The following MAP7 variants were observed in gnomAD, a reference collection of about 807,000 sequenced individuals.
MAP7 encodes the protein ensconsin.
A neutral mutation model predicts 94.8 loss-of-function variants in MAP7; 52 were observed. The ratio of observed to expected loss-of-function variants is 0.55; its 90% CI spans 0.44 to 0.69. The LOEUF (loss-of-function observed/expected upper bound fraction) is 0.69, where lower values mean the gene tolerates loss of function less well. MAP7 is among the 30% of genes least tolerant of loss of function. The pLI, the probability that MAP7 is intolerant of heterozygous loss-of-function variation, is 0.00. For synonymous variants in MAP7, 350 were observed against 357.0 expected, an observed-to-expected ratio of 0.98 and a Z score of 0.22; for missense variants, 940 against 964.6, an observed-to-expected ratio of 0.97 and a Z score of 0.34.
At chr6:136,540,645 T>C (rs951692968) in intron 1 of MAP7, among the ~76,000 whole-genome samples, 13 of 152,170 alleles carry the variant, frequency 8.5e-5, no homozygotes. Flanking sequence ...ATTACGATTT[T>C]CCATGTGGTT....
At chr6:136,448,693 G>A (rs1304324231) in intron 1 of MAP7, among the ~76,000 whole-genome samples, 2 of 151,826 alleles carry the variant, frequency 1.3e-5, no homozygotes, top group African/African-American at 4.8e-5. Context: ...GATTACAGGC[G>A]TGGCCACCGT....
intron 1 of MAP7, among the ~76,000 whole-genome samples, chr6:136,548,414 G>A (rs1456715658): frequency 1.3e-5 from 2 of 151,882 alleles, no homozygotes; most frequent in African/African-American, 4.8e-5. Flanking sequence ...GTAATCTTGG[G>A]GTAGAAAAAT....
At chr6:136,421,835 A>G (rs758860009) in intron 1 of MAP7, 36 bp from the exon 2 acceptor site, 1 of 1,507,784 alleles carries the variant, frequency 6.6e-7, no homozygotes, top group South Asian at 1.2e-5. Context: ...AGACACATTT[A>G]GTTTCTTAAA....
intron 1 of MAP7, among the ~76,000 whole-genome samples, chr6:136,547,415 G>A (rs945089761): frequency 3.9e-5 from 6 of 152,098 alleles, no homozygotes; most frequent in Non-Finnish European, 8.8e-5. Flanking sequence ...CTGTACACTC[G>A]CTTTCCACAG....
At chr6:136,354,036 A>G (rs1315918822) in intron 16 of MAP7, among the ~76,000 whole-genome samples, 1 of 150,504 alleles carries the variant, frequency 6.6e-6, no homozygotes, top group Non-Finnish European at 1.5e-5. Flanking sequence ...TTATAAATGA[A>G]CAAGGGCTAT....
chr6:136,454,707 T>C (rs1232844876), intron 1 of MAP7, among the ~76,000 whole-genome samples: 3 of 151,732 alleles, frequency 2.0e-5, no homozygotes, highest in Non-Finnish European at 4.4e-5. Context: ...GAGTTCAAGA[T>C]CAGCCTGGGC....
At position 136,384,902 on chromosome 6, in the gene MAP7, G is replaced by A. The variant is rs542668788; in HGVS notation, c.527-1121C>T. Among the ~76,000 whole-genome samples the A allele has an allele frequency of 9.2e-5, 14 of 152,252 alleles. No homozygotes were observed. The South Asian group carries it at 2.5e-3, about 27-fold the overall frequency. On this transcript the variant is annotated intron_variant, in intron 5 of 17. Transcript: ENST00000354570. ...TATAATCATGCTCATTAGGATAAAC[G>A]GTGTTCCTCAAATAACACTGCATGT...
chr6:136,540,647 C>T (rs1329119750), intron 1 of MAP7, among the ~76,000 whole-genome samples: 1 of 152,168 alleles, frequency 6.6e-6, no homozygotes, highest in Admixed American at 6.5e-5. Flanking sequence ...TACGATTTTC[C>T]ATGTGGTTTC....
chr6:136,423,007 C>T (rs1024536088), intron 1 of MAP7, among the ~76,000 whole-genome samples: 13 of 152,302 alleles, frequency 8.5e-5, no homozygotes, highest in African/African-American at 2.9e-4. Context: ...AAGTAGGTCA[C>T]ATGGGGTAAT....
chr6:136,491,547 A>G (rs1379845316), intron 1 of MAP7, among the ~76,000 whole-genome samples: 1 of 152,196 alleles, frequency 6.6e-6, no homozygotes, highest in Non-Finnish European at 1.5e-5. Context: ...GAGATGAAGA[A>G]CCACCACCCT....
At chr6:136,535,582 G>A (rs1200399496) in intron 1 of MAP7, among the ~76,000 whole-genome samples, 1 of 152,018 alleles carries the variant, frequency 6.6e-6, no homozygotes, top group Non-Finnish European at 1.5e-5. Flanking sequence ...TTTGAGGCTT[G>A]GTCCATTTTC....
At chr6:136,504,425 T>C (rs1461293029) in intron 1 of MAP7, among the ~76,000 whole-genome samples, 1 of 152,022 alleles carries the variant, frequency 6.6e-6, no homozygotes, top group Admixed American at 6.6e-5. Flanking sequence ...CTTGGCTCAC[T>C]GCAACCTCCA....
At chr6:136,507,475 CAA>C (rs10711278) in intron 1 of MAP7, among the ~76,000 whole-genome samples, 120 of 87,266 alleles carry the variant, frequency 1.4e-3, no homozygotes, top group African/African-American at 3.9e-3. Flanking sequence ...AGAAGATTCT[CAA>C]AAAAAAAAAA....
chr6:136,450,206 AT>A (rs901156046), intron 1 of MAP7, among the ~76,000 whole-genome samples: 1 of 152,144 alleles, frequency 6.6e-6, no homozygotes, highest in African/African-American at 2.4e-5. Context: ...TAAAAATACC[AT>A]TTGGCTTCTG....
intron 1 of MAP7, among the ~76,000 whole-genome samples, chr6:136,476,925 T>C (rs1423308059): frequency 6.6e-6 from 1 of 152,194 alleles, no homozygotes; most frequent in Non-Finnish European, 1.5e-5. Flanking sequence ...GAAAGCCAAC[T>C]AATAAATGTG....
At chr6:136,382,724 A>G (rs1778134676) in intron 6 of MAP7, among the ~76,000 whole-genome samples, 1 of 152,196 alleles carries the variant, frequency 6.6e-6, no homozygotes, top group African/African-American at 2.4e-5. Context: ...CTTTTATACA[A>G]TACAAAATAT....
In MAP7 at chr6:136,344,134, G is replaced by A. The variant is rs985437719; in HGVS notation, c.*94C>T. The A allele has an allele frequency of 4.6e-5, 24 of 518,352 alleles. No homozygotes were observed. The highest frequency in any genetic ancestry group is 2.5e-4 in the Admixed American group (6 of 23,962). 32.1% of individuals were successfully genotyped at this position (518,352 alleles called of 1,614,324 possible). On this transcript the variant is annotated 3_prime_UTR_variant, in exon 18 of 18. Coordinates refer to ENST00000354570, the MANE Select transcript of MAP7 (RefSeq NM_003980.6). ...ATGATGGTCAAGAACTCTAGAAAAC[G>A]GGTGGAGGGGATGCTCCTTTATAGC...
At chr6:136,485,311 CATTAT>C (rs910586702) in intron 1 of MAP7, among the ~76,000 whole-genome samples, 4 of 152,244 alleles carry the variant, frequency 2.6e-5, no homozygotes, top group South Asian at 2.1e-4. Context: ...AATGTCATTA[CATTAT>C]GTTTATTAGT....
chr6:136,441,044 T>A (rs1448300615), intron 1 of MAP7, among the ~76,000 whole-genome samples: 1 of 152,194 alleles, frequency 6.6e-6, no homozygotes, highest in Non-Finnish European at 1.5e-5. Flanking sequence ...TAAAGCTCAA[T>A]ACCATTCCAT....
Sources: allele counts gnomAD v4.1 joint callset (sites outside exome capture counted in the v4.1 genomes callset), GRCh38; gene constraint gnomAD v4.1.1; transcripts MANE v1.5; gene names NCBI Gene and HGNC (gene_info 2026-07-23, HGNC 2026-07-21).